Variants in ACTR3C observed in about 807,000 individuals in gnomAD.
The protein encoded by ACTR3C is actin-related protein 3C.
In ACTR3C, 18 loss-of-function variants were observed where a neutral mutation model predicts 26.3. That is an observed-to-expected ratio of 0.68 (90% CI 0.47 to 1.01). ACTR3C has a LOEUF of 1.01. ACTR3C is among the 50% of genes least tolerant of loss of function. The pLI is 0.00. For missense variants in ACTR3C, 184 were observed against 250.7 expected, an observed-to-expected ratio of 0.73 and a Z score of 1.80; for synonymous variants, 55 against 94.5, an observed-to-expected ratio of 0.58 and a Z score of 2.42.
intron 1 of ACTR3C, 191 bp downstream of exon 1, chr7:150,323,278 G>A (rs148770750): frequency 4.8e-5 from 12 of 247,672 alleles, no homozygotes; most frequent in Non-Finnish European, 8.8e-5. Flanking sequence ...CTGCGCTTCC[G>A]GAAGTAACCC....
chr7:150,030,867 T>C, the ACTR3C span, among the ~76,000 whole-genome samples: 2 of 152,114 alleles, frequency 1.3e-5, no homozygotes, highest in Non-Finnish European at 2.9e-5. Flanking sequence ...CTTCGTGGCA[T>C]AGAGCACATG....
At chr7:149,988,419 G>A in the ACTR3C span, among the ~76,000 whole-genome samples, 1 of 152,208 alleles carries the variant, frequency 6.6e-6, no homozygotes, top group African/African-American at 2.4e-5. Context: ...CCAGGATAAA[G>A]TCACATTTCT....
chr7:149,913,081 T>C, the ACTR3C span, among the ~76,000 whole-genome samples: 1 of 152,134 alleles, frequency 6.6e-6, no homozygotes, highest in African/African-American at 2.4e-5. Flanking sequence ...GGCTCATCCA[T>C]CACTAACTTC....
chr7:150,176,598 T>C, the ACTR3C span, among the ~76,000 whole-genome samples: 1 of 150,930 alleles, frequency 6.6e-6, no homozygotes, highest in East Asian at 1.9e-4. Flanking sequence ...TATCATCAAA[T>C]CACGATTATG....
the ACTR3C span, among the ~76,000 whole-genome samples, chr7:150,099,400 T>A: frequency 8.6e-5 from 13 of 151,870 alleles, no homozygotes; most frequent in East Asian, 1.5e-3. Flanking sequence ...ACCATTCAAG[T>A]CTTCCTCCCA....
chr7:150,314,828 T>G (rs1356242907), intron 1 of ACTR3C, among the ~76,000 whole-genome samples: 1 of 148,878 alleles, frequency 6.7e-6, no homozygotes. Flanking sequence ...GGCACACACC[T>G]GTAGTCCCAG....
chr7:150,044,942 C>T, the ACTR3C span: 1 of 152,220 alleles, frequency 6.6e-6, no homozygotes, highest in African/African-American at 2.4e-5. Context: ...TTCTCCTGCG[C>T]TAAGCCAAGA....
the ACTR3C span, among the ~76,000 whole-genome samples, chr7:150,117,483 G>T: frequency 2.0e-5 from 3 of 152,330 alleles, no homozygotes; most frequent in Non-Finnish European, 4.4e-5. Context: ...CAGACTGGGC[G>T]GAGCCCATGG....
chr7:149,888,657 AGGAG>A, the ACTR3C span, among the ~76,000 whole-genome samples: 1 of 152,196 alleles, frequency 6.6e-6, no homozygotes, highest in African/African-American at 2.4e-5. Context: ...CAGGGAAGGA[AGGAG>A]GAAGTGGGGA....
chr7:150,181,977 C>T, the ACTR3C span, among the ~76,000 whole-genome samples: 2 of 150,574 alleles, frequency 1.3e-5, no homozygotes, highest in African/African-American at 2.5e-5. Flanking sequence ...GACAAAATAA[C>T]ATGCTAATTA....
At chr7:150,306,359 G>A (rs1044991644) in intron 1 of ACTR3C, among the ~76,000 whole-genome samples, 4 of 151,996 alleles carry the variant, frequency 2.6e-5, no homozygotes, top group Admixed American at 1.3e-4. Flanking sequence ...CTCCTGGCGC[G>A]GGAAGCTGAA....
intron 1 of ACTR3C, among the ~76,000 whole-genome samples, chr7:150,300,070 T>C (rs1795303448): frequency 6.6e-6 from 1 of 152,132 alleles, no homozygotes; most frequent in Non-Finnish European, 1.5e-5. Flanking sequence ...AACTGTGTGC[T>C]AGCCGGGCGC....
the ACTR3C span, among the ~76,000 whole-genome samples, chr7:149,956,515 A>G: frequency 7.9e-5 from 12 of 152,232 alleles, no homozygotes; most frequent in African/African-American, 2.9e-4. Context: ...GTGAAGTGTT[A>G]CCCATGTTTA....
the ACTR3C span, among the ~76,000 whole-genome samples, chr7:150,225,806 T>C: frequency 6.6e-6 from 1 of 152,230 alleles, no homozygotes. Context: ...GTGTAATGTA[T>C]CCACATTGTG....
intron 1 of ACTR3C, among the ~76,000 whole-genome samples, chr7:150,296,034 G>A (rs1356211618): frequency 1.6e-4 from 20 of 124,976 alleles, no homozygotes; most frequent in Non-Finnish European, 3.2e-4. Flanking sequence ...AGAGAAAAGA[G>A]GAAAAACAAA....
chr7:150,072,765 T>C, the ACTR3C span, among the ~76,000 whole-genome samples: 4 of 152,066 alleles, frequency 2.6e-5, no homozygotes, highest in Non-Finnish European at 4.4e-5. Flanking sequence ...GGAAAAACAT[T>C]TGGGCTCATG....
chr7:150,281,038 C>A (rs962830550), intron 6 of ACTR3C, among the ~76,000 whole-genome samples: 2 of 152,092 alleles, frequency 1.3e-5, no homozygotes, highest in African/African-American at 4.8e-5. Context: ...CTCTGTTGGT[C>A]TATGTGGCTA....
chr7:150,048,320 C>T, the ACTR3C span, among the ~76,000 whole-genome samples: 1 of 151,818 alleles, frequency 6.6e-6, no homozygotes, highest in African/African-American at 2.4e-5. Flanking sequence ...CCTCCTCCAC[C>T]CCGGCCCCTC....
At chr7:150,213,758 G>A in the ACTR3C span, among the ~76,000 whole-genome samples, 1 of 148,134 alleles carries the variant, frequency 6.8e-6, no homozygotes, top group Admixed American at 6.8e-5. Context: ...AAAAAGGGAG[G>A]GCATGAAAAC....
Sources: gnomAD v4.1 joint callset for allele counts (sites outside exome capture counted in the v4.1 genomes callset) on GRCh38, gnomAD v4.1.1 for gene constraint, MANE v1.5 for transcripts, NCBI Gene and HGNC (gene_info 2026-07-23, HGNC 2026-07-21) for gene names.